The following RNF182 variants were observed in gnomAD, a reference collection of about 807,000 sequenced individuals.
RNF182 encodes the protein ring finger protein 182.
RNF182 carries 15 observed loss-of-function variants against 14.4 expected under a neutral mutation model. The observed-to-expected ratio is 1.04, with a 90% CI of 0.70 to 1.60. RNF182 has a LOEUF of 1.60. Ranked by LOEUF, RNF182 falls within the 40% of genes most tolerant of loss-of-function variation. RNF182 has a pLI of 0.00. For synonymous variants in RNF182, 128 were observed against 122.9 expected, an observed-to-expected ratio of 1.04 and a Z score of -0.27; for missense variants, 268 against 294.8, an observed-to-expected ratio of 0.91 and a Z score of 0.67.
At chr6:13,926,375 G>A (rs1005633346) in intron 1 of RNF182, among the ~76,000 whole-genome samples, 1 of 152,154 alleles carries the variant, frequency 6.6e-6, no homozygotes, top group Admixed American at 6.5e-5. Flanking sequence ...CCTCTTTTGG[G>A]ATTTCAACAC....
At chr6:13,950,988 G>T (rs1759576375) in intron 1 of RNF182, among the ~76,000 whole-genome samples, 1 of 151,756 alleles carries the variant, frequency 6.6e-6, no homozygotes. Context: ...GTAGAGACGG[G>T]GTGTCACCAT....
At chr6:13,957,686 A>G (rs184110486) in intron 1 of RNF182, among the ~76,000 whole-genome samples, 17 of 152,344 alleles carry the variant, frequency 1.1e-4, no homozygotes, top group Admixed American at 9.2e-4. Flanking sequence ...TTAGGATAAT[A>G]TTATAAAAAT....
At chr6:13,937,208 C>T (rs1759134648) in intron 1 of RNF182, among the ~76,000 whole-genome samples, 1 of 152,088 alleles carries the variant, frequency 6.6e-6, no homozygotes, top group South Asian at 2.1e-4. Context: ...GTGCACGAAT[C>T]GTAAGGATAT....
chr6:13,965,040 G>A (rs929646332), intron 1 of RNF182, among the ~76,000 whole-genome samples: 3 of 152,190 alleles, frequency 2.0e-5, no homozygotes, highest in Non-Finnish European at 2.9e-5. Context: ...CCAAAGGGAA[G>A]GCAGTCTATG....
intron 1 of RNF182, among the ~76,000 whole-genome samples, chr6:13,969,369 G>GGGAGTAGT (rs1291163098): frequency 6.6e-6 from 1 of 152,044 alleles, no homozygotes; most frequent in African/African-American, 2.4e-5. Context: ...TTGTGAGTAG[G>GGGAGTAGT]GGAGTAGTGG....
At chr6:13,945,401 T>G (rs1016296763) in intron 1 of RNF182, among the ~76,000 whole-genome samples, 4 of 152,224 alleles carry the variant, frequency 2.6e-5, no homozygotes, top group Non-Finnish European at 5.9e-5. Flanking sequence ...ACGTTGGAAT[T>G]GCCCTTATGA....
intron 1 of RNF182, among the ~76,000 whole-genome samples, chr6:13,971,216 T>C (rs1760170999): frequency 6.6e-6 from 1 of 152,176 alleles, no homozygotes; most frequent in African/African-American, 2.4e-5. Flanking sequence ...GATAATTGAA[T>C]TATGGGGGCA....
At chr6:13,956,244 G>T (rs1184820421) in intron 1 of RNF182, among the ~76,000 whole-genome samples, 3 of 150,664 alleles carry the variant, frequency 2.0e-5, no homozygotes, top group African/African-American at 7.3e-5. Flanking sequence ...ATAGTGACCA[G>T]CTGTCTGTTT....
chr6:13,929,078 C>A (rs944312836), intron 1 of RNF182, among the ~76,000 whole-genome samples: 1 of 152,126 alleles, frequency 6.6e-6, no homozygotes, highest in East Asian at 1.9e-4. Context: ...ATTTTTCCTC[C>A]CAATTAACTA....
chr6:13,951,361 TTTTATAC>T (rs1194092659), intron 1 of RNF182, among the ~76,000 whole-genome samples: 2 of 152,154 alleles, frequency 1.3e-5, no homozygotes, highest in African/African-American at 4.8e-5. Context: ...AGAGCCCCAT[TTTTATAC>T]TGGATCCTTG....
At chr6:13,974,734 T>C (rs768814711) in intron 2 of RNF182, among the ~76,000 whole-genome samples, 1 of 152,252 alleles carries the variant, frequency 6.6e-6, no homozygotes, top group Non-Finnish European at 1.5e-5. Flanking sequence ...AACACTCACA[T>C]GTCTACTCTA....
intron 1 of RNF182, among the ~76,000 whole-genome samples, chr6:13,934,387 T>A (rs1759052807): frequency 6.6e-6 from 1 of 152,254 alleles, no homozygotes; most frequent in Non-Finnish European, 1.5e-5. Context: ...TCTGTTGGAT[T>A]CTTCATTTCC....
chr6:13,933,955 T>G (rs911606993), intron 1 of RNF182, among the ~76,000 whole-genome samples: 20 of 152,230 alleles, frequency 1.3e-4, no homozygotes, highest in African/African-American at 4.8e-4. Flanking sequence ...GAGGCAGTGG[T>G]TGCAGTGAGC....
chr6:13,931,007 G>C (rs1322737474), intron 1 of RNF182, among the ~76,000 whole-genome samples: 1 of 152,198 alleles, frequency 6.6e-6, no homozygotes, highest in East Asian at 1.9e-4. Flanking sequence ...ACTTTGGAAA[G>C]AGTGGCAGTT....
intron 1 of RNF182, among the ~76,000 whole-genome samples, chr6:13,938,995 A>G (rs1759214544): frequency 6.6e-6 from 1 of 152,164 alleles, no homozygotes; most frequent in South Asian, 2.1e-4. Context: ...AGGCATGTGA[A>G]TTGCTTGAAC....
Position 13,977,114 on chromosome 6 carries a change from T to C in RNF182, c.-6T>C, listed in dbSNP as rs1256379365. 1.1e-5 allele frequency: 18 copies of C among 1,607,982 alleles called. No homozygotes were observed. Among genetic ancestry groups the C allele is most frequent in the Non-Finnish European group, 1.5e-5 (18 of 1,176,370 alleles). The stretch of plus-strand genomic sequence containing the variant: ...ACCTGGCATAAGATTGCACACATAA[T>C]TCAAGATGGCCAGTCAACCTCCTGA... On this transcript the variant is annotated 5_prime_UTR_variant, in exon 3 of 3. Coordinates refer to ENST00000488300, the MANE Select transcript of RNF182 (RefSeq NM_152737.4).
At position 13,971,770 on chromosome 6, in the gene RNF182, T is replaced by A. The variant is rs749782889; in HGVS notation, c.-366-2440T>A. 6.7e-4 allele frequency among the ~76,000 whole-genome samples: 102 copies of A among 152,182 alleles called. 1 individual carries two copies. The highest frequency in any genetic ancestry group is 4.8e-3 in the Admixed American group (74 of 15,286). ...GTTGTCTCAGATGGAGATGAGGAAC[T>A]TGTTGAGAACTGGAATAAAGGTGAC... On this transcript the variant is annotated intron_variant, in intron 1 of 2. Coordinates refer to ENST00000488300, the MANE Select transcript of RNF182 (RefSeq NM_152737.4).
At chr6:13,943,044 G>C (rs940251615) in intron 1 of RNF182, among the ~76,000 whole-genome samples, 1 of 152,156 alleles carries the variant, frequency 6.6e-6, no homozygotes, top group African/African-American at 2.4e-5. Flanking sequence ...TTATTTGGTA[G>C]ATTAGTAGAT....
Position 13,978,469 on chromosome 6 carries a change from G to A in RNF182, c.*606G>A, listed in dbSNP as rs1300472405. On this transcript the variant is annotated 3_prime_UTR_variant, in exon 3 of 3. Coordinates refer to ENST00000488300, the MANE Select transcript of RNF182 (RefSeq NM_152737.4). ...ATACCAGTTTTGCCACATTACTAAG[G>A]AGAATGAAAAGCACTGAGGAATTTG... 6.0e-6 allele frequency: 1 copy of A among 166,648 alleles called. No individual in the cohort carries two copies. The highest frequency in any genetic ancestry group is 2.4e-5 in the African/African-American group (1 of 41,394). 10.3% of individuals were successfully genotyped at this position (166,648 alleles called of 1,614,324 possible). A position where few individuals can be genotyped will look rare whatever the true frequency, so the allele number is the denominator to read the frequency against.
Sources: allele counts gnomAD v4.1 joint callset (sites outside exome capture counted in the v4.1 genomes callset), GRCh38; gene constraint gnomAD v4.1.1; transcripts MANE v1.5; gene names NCBI Gene and HGNC (gene_info 2026-07-23, HGNC 2026-07-21).